The following SLC35F3 variants were observed in gnomAD, a reference collection of about 807,000 sequenced individuals.
SLC35F3 encodes the protein solute carrier family 35 member F3, also known as putative thiamine transporter SLC35F3.
In SLC35F3, 25 loss-of-function variants were observed where a neutral mutation model predicts 49.9. That is an observed-to-expected ratio of 0.50 (90% confidence interval 0.37 to 0.70). SLC35F3 has a LOEUF of 0.70. SLC35F3 is among the 30% of genes least tolerant of loss of function. SLC35F3 has a pLI of 0.00. For missense variants in SLC35F3, 525 were observed against 639.8 expected (o/e 0.82, Z 1.94); for synonymous variants, 275 against 265.4 (o/e 1.04, Z -0.35).
At chr1:233,946,698 G>A (rs1662518410) in intron 2 of SLC35F3, among the ~76,000 whole-genome samples, 1 of 152,250 alleles carries the variant, frequency 6.6e-6, no homozygotes, top group African/African-American at 2.4e-5. Context: ...TCATGGAGGA[G>A]AAACGTGTGT....
intron 2 of SLC35F3, among the ~76,000 whole-genome samples, chr1:234,188,612 C>A (rs1043267637): frequency 2.6e-5 from 4 of 152,144 alleles, no homozygotes; most frequent in African/African-American, 9.7e-5. Context: ...CTTCCCTACT[C>A]ACCCTGGTAG....
chr1:234,092,786 T>G (rs542282245), intron 2 of SLC35F3, among the ~76,000 whole-genome samples: 12 of 152,328 alleles, frequency 7.9e-5, no homozygotes, highest in Non-Finnish European at 1.8e-4. Flanking sequence ...GAGCATCACT[T>G]GAGCCCAGGA....
In SLC35F3 at chr1:234,316,591, C is replaced by T. The variant is rs758067799; in HGVS notation, c.829-11C>T. The T allele has an allele frequency of 6.2e-6, 10 of 1,600,444 alleles. No individual in the cohort carries two copies. Among genetic ancestry groups the T allele is most frequent in the African/African-American group, 4.0e-5 (3 of 74,694 alleles). On this transcript the variant is annotated splice_polypyrimidine_tract_variant and intron_variant, in intron 4 of 7. Coordinates refer to ENST00000366618, the MANE Select transcript of SLC35F3 (RefSeq NM_173508.4). ...GACTTCCCTGACCAGCATTTTCTTC[C>T]GTCTGTCCAGATTGTGGCCGCCATC...
chr1:234,276,479 G>T (rs1273781070), intron 3 of SLC35F3, among the ~76,000 whole-genome samples: 2 of 152,136 alleles, frequency 1.3e-5, no homozygotes, highest in Admixed American at 1.3e-4. Context: ...ATAAGGCAGA[G>T]TACACATTCT....
At chr1:234,241,610 C>G (rs977151645) in intron 3 of SLC35F3, among the ~76,000 whole-genome samples, 21 of 151,898 alleles carry the variant, frequency 1.4e-4, no homozygotes, top group African/African-American at 5.1e-4. Flanking sequence ...TAGCACATGC[C>G]TGTAATCCCA....
rs1558209178 is a variant in SLC35F3 at position 234,027,532 on chromosome 1, T to C, written c.283+121774T>C. On this transcript the variant is annotated intron_variant, in intron 2 of 7. Transcript: ENST00000366618. This position sits in a 1 kb window ranked among gnomAD's most constrained non-coding sequence, Gnocchi z 4.1. ...CGGTAGTGGTTTAAAGAATGGAGAGTGGGGTCTTAGACTCGCAATAGGTAG... is the reference window on the plus strand; with the variant it reads ...CGGTAGTGGTTTAAAGAATGGAGAGCGGGGTCTTAGACTCGCAATAGGTAG... Among the ~76,000 whole-genome samples the C allele has an allele frequency of 6.6e-6, 1 of 151,998 alleles. No individual in the cohort carries two copies. Among genetic ancestry groups the C allele is most frequent in the Non-Finnish European group, 1.5e-5 (1 of 67,992 alleles).
chr1:234,130,742 A>G (rs1178064878), intron 2 of SLC35F3, among the ~76,000 whole-genome samples: 1 of 152,160 alleles, frequency 6.6e-6, no homozygotes, highest in East Asian at 1.9e-4. Context: ...TATTGGCACC[A>G]TCACTTTGTA....
In SLC35F3 at chr1:233,957,063, C is replaced by T. The variant is rs1443195627; in HGVS notation, c.283+51305C>T. The stretch of plus-strand genomic sequence containing the variant: ...AACTGCTCCCAGGTAAGTGAAGAAG[C>T]CTTTGCCGGTTTTATTTTTCCTGGT... On this transcript the variant is annotated intron_variant, in intron 2 of 7. Transcript: ENST00000366618. The surrounding 1 kb of genome is among the most constrained non-coding windows in gnomAD (Gnocchi z 4.0). 6.6e-6 allele frequency among the ~76,000 whole-genome samples: 1 copy of T among 152,192 alleles called. No homozygotes were observed. The highest frequency in any genetic ancestry group is 6.5e-5 in the Admixed American group (1 of 15,282).
chr1:234,075,690 GAAAGT>G (rs1664780692), intron 2 of SLC35F3, among the ~76,000 whole-genome samples: 3 of 152,176 alleles, frequency 2.0e-5, no homozygotes, highest in African/African-American at 7.2e-5. Context: ...GAACGTTAAG[GAAAGT>G]AAAGACCCCA....
intron 3 of SLC35F3, among the ~76,000 whole-genome samples, chr1:234,276,114 G>T (rs1668207547): frequency 6.6e-6 from 1 of 152,142 alleles, no homozygotes; most frequent in African/African-American, 2.4e-5. Context: ...CATCAACTCA[G>T]CATTTTATCA....
chr1:234,145,298 G>A (rs888491200), intron 2 of SLC35F3, among the ~76,000 whole-genome samples: 4 of 152,182 alleles, frequency 2.6e-5, no homozygotes, highest in Admixed American at 2.6e-4. Context: ...TGACCTAACT[G>A]GATCATGCTA....
chr1:233,960,888 C>A (rs948951540), intron 2 of SLC35F3, among the ~76,000 whole-genome samples: 8 of 151,984 alleles, frequency 5.3e-5, no homozygotes, highest in South Asian at 2.1e-4. Flanking sequence ...GCATTCTGTG[C>A]AAAGGCAGGT....
At chr1:233,970,697 T>C (rs1042550342) in intron 2 of SLC35F3, among the ~76,000 whole-genome samples, 9 of 152,086 alleles carry the variant, frequency 5.9e-5, no homozygotes, top group Non-Finnish European at 7.4e-5. Context: ...AGAGAAAATT[T>C]AGGGACAGAG....
At chr1:234,086,536 G>A (rs758441348) in intron 2 of SLC35F3, among the ~76,000 whole-genome samples, 4 of 152,202 alleles carry the variant, frequency 2.6e-5, no homozygotes, top group Admixed American at 6.5e-5. Context: ...TTACCTTGAG[G>A]AAAGGGATAA....
intron 2 of SLC35F3, among the ~76,000 whole-genome samples, chr1:234,068,881 AT>A (rs1344775182): frequency 3.3e-5 from 4 of 122,552 alleles, no homozygotes; most frequent in East Asian, 2.3e-4. Flanking sequence ...TATTTTACAT[AT>A]TTTTTATATT....
At chr1:234,162,981 G>A (rs149464462) in intron 2 of SLC35F3, among the ~76,000 whole-genome samples, 276 of 152,296 alleles carry the variant, frequency 1.8e-3, no homozygotes, top group Non-Finnish European at 3.4e-3. Context: ...TAAGAATGTT[G>A]ATGGTAAAGA....
chr1:234,293,939 G>C (rs146618287), intron 3 of SLC35F3, among the ~76,000 whole-genome samples: 1 of 152,300 alleles, frequency 6.6e-6, no homozygotes, highest in Admixed American at 6.5e-5. Context: ...TTTGAGACCA[G>C]GAAAACACAG....
chr1:234,231,590 A>T lies in SLC35F3; in HGVS notation c.457A>T (p.Thr153Ser). ...LCVCSSWAGS[T>S]QLAKLTFRKF... ...CGTGTGCTCCTCGTGGGCGGGCTCCACGCAGCTCGCCAAGCTGACCTTCAG... is the reference window on the plus strand; with the variant it reads ...CGTGTGCTCCTCGTGGGCGGGCTCCTCGCAGCTCGCCAAGCTGACCTTCAG... Residue 153 changes from threonine to serine, a missense_variant, in exon 3 of 8, where the codon ACG becomes TCG. By Grantham distance (58) the Thr-to-Ser change is moderately conservative. Coordinates refer to ENST00000366618, the MANE Select transcript of SLC35F3 (RefSeq NM_173508.4). This position sits in a 1 kb window ranked among gnomAD's most constrained non-coding sequence, Gnocchi z 5.4. The T allele has an allele frequency of 1.2e-6, 2 of 1,614,168 alleles. No homozygotes were observed. The highest frequency in any genetic ancestry group is 8.5e-7 in the Non-Finnish European group (1 of 1,180,024).
chr1:234,204,528 T>C (rs1205265978), intron 2 of SLC35F3, among the ~76,000 whole-genome samples: 1 of 152,184 alleles, frequency 6.6e-6, no homozygotes, highest in Non-Finnish European at 1.5e-5. Context: ...GATGCACCCC[T>C]GGAGCCCTGA....
Sources: gnomAD v4.1 joint callset for allele counts (sites outside exome capture counted in the v4.1 genomes callset) on GRCh38, gnomAD v4.1.1 for gene constraint, Gnocchi (gnomAD v3.1) non-coding constraint, MANE v1.5 for transcripts, NCBI Gene and HGNC (gene_info 2026-07-23, HGNC 2026-07-21) for gene names.